Variants in NELL1 observed in about 807,000 individuals in gnomAD.
NELL1 encodes neural EGFL like 1.
NELL1 carries 76 observed loss-of-function variants against 107.4 expected under a neutral mutation model. The observed-to-expected ratio is 0.71, with a 90% CI of 0.59 to 0.86. The LOEUF (loss-of-function observed/expected upper bound fraction) is 0.86, where lower values mean the gene tolerates loss of function less well. Ranked by LOEUF, NELL1 falls within the 40% of genes least tolerant of loss-of-function variation. The probability of loss-of-function intolerance (pLI) is 0.00; values close to 1 mark genes in which losing one functional copy is unlikely to be tolerated. For synonymous variants in NELL1, 353 were observed against 341.2 expected (o/e 1.03, Z -0.38); for missense variants, 1,024 against 1,005.5 (o/e 1.02, Z -0.25).
intron 12 of NELL1, among the ~76,000 whole-genome samples, chr11:21,043,885 G>A (rs1853296550): frequency 6.6e-6 from 1 of 152,104 alleles, no homozygotes; most frequent in Non-Finnish European, 1.5e-5. Context: ...TTTGAGAAGG[G>A]AAATTGCAAG....
intron 14 of NELL1, among the ~76,000 whole-genome samples, chr11:21,312,874 C>T (rs1424665194): frequency 1.3e-5 from 2 of 152,084 alleles, no homozygotes; most frequent in Non-Finnish European, 2.9e-5. Context: ...TCCTCTTACT[C>T]ACCTCTCAGA....
At position 21,522,834 on chromosome 11, in the gene NELL1, C is replaced by CTTTTTTTTTTTTTTT. The variant is rs66707466; in HGVS notation, c.1646-11530_1646-11516dup. The stretch of plus-strand genomic sequence containing the variant: ...ATCTTGAATCCTATTTTTTTCTTTT[C>CTTTTTTTTTTTTTTT]TTTTTTTTTTTTTTTTTTTTTTTTG... On this transcript the variant is annotated intron_variant, in intron 15 of 19. Transcript: ENST00000357134. Among the ~76,000 whole-genome samples, 618 of 68,472 alleles carry CTTTTTTTTTTTTTTT rather than the reference C, an allele frequency of 9.0e-3. 8 individuals are homozygous for CTTTTTTTTTTTTTTT. The highest frequency in any genetic ancestry group is 0.013 in the African/African-American group (214 of 16,176). The allele number at this position is 68,472 out of a possible 152,430, so 44.9% of individuals were successfully genotyped here.
At chr11:20,752,999 C>T (rs1020056719) in intron 2 of NELL1, among the ~76,000 whole-genome samples, 5 of 152,154 alleles carry the variant, frequency 3.3e-5, no homozygotes, top group African/African-American at 1.2e-4. Flanking sequence ...TTATTTGATT[C>T]AATTTTTCCT....
chr11:21,267,461 A>C (rs1848657096), intron 14 of NELL1, among the ~76,000 whole-genome samples: 1 of 152,122 alleles, frequency 6.6e-6, no homozygotes, highest in African/African-American at 2.4e-5. Context: ...GTTTTAAGAT[A>C]ATTAAATATG....
intron 16 of NELL1, among the ~76,000 whole-genome samples, chr11:21,559,629 C>G (rs993890390): frequency 2.0e-5 from 3 of 152,094 alleles, no homozygotes; most frequent in African/African-American, 7.2e-5. Flanking sequence ...AGACACCTAT[C>G]AAGAATTGTT....
chr11:20,913,286 T>TA (rs150868125), intron 5 of NELL1, among the ~76,000 whole-genome samples: 5,476 of 152,100 alleles, frequency 0.036, 168 homozygotes, highest in East Asian at 0.16. Context: ...TATTTTAGCA[T>TA]ACAAAAAAAT....
At position 21,160,511 on chromosome 11, in the gene NELL1, C is replaced by T. The variant is rs72936409; in HGVS notation, c.1426+46797C>T. ...TTCCTGCATAATAGTAAAAAGGAGA[C>T]AAGATTTTCCTAGCTATGTTAGACT... is the stretch of plus-strand genomic sequence containing the variant. On this transcript the variant is annotated intron_variant, in intron 13 of 19. Transcript: ENST00000357134. Among the ~76,000 whole-genome samples, 980 of 152,142 alleles carry T rather than the reference C, an allele frequency of 6.4e-3. 8 individuals are homozygous for T. Among genetic ancestry groups the T allele is most frequent in the Non-Finnish European group, 7.7e-3 (526 of 68,014 alleles).
At chr11:21,452,939 A>G (rs1021499669) in intron 15 of NELL1, among the ~76,000 whole-genome samples, 2 of 151,864 alleles carry the variant, frequency 1.3e-5, no homozygotes, top group African/African-American at 4.8e-5. Flanking sequence ...ATATTGTAGG[A>G]TTTAAAAATT....
rs1038261450 is a variant in NELL1 at position 20,933,923 on chromosome 11, G to A, written c.998-3863G>A. On this transcript the variant is annotated intron_variant, in intron 9 of 19. Transcript: ENST00000357134. The stretch of plus-strand genomic sequence containing the variant: ...ATGGAGAAGTGTGTGTTGGTGCTAG[G>A]TTTCAATTTTGTGTTTGGGCACTGT... Among the ~76,000 whole-genome samples, 8 of 152,140 alleles carry A rather than the reference G, an allele frequency of 5.3e-5. 1 individual carries two copies. In the East Asian group the frequency reaches 9.6e-4, roughly 18 times the overall value.
At chr11:21,168,916 G>A (rs983030275) in intron 13 of NELL1, among the ~76,000 whole-genome samples, 7 of 151,984 alleles carry the variant, frequency 4.6e-5, no homozygotes, top group Admixed American at 6.5e-5. Flanking sequence ...TCAGTCCTAC[G>A]AGAGGACTTT....
At chr11:20,744,453 G>T (rs1287080694) in intron 2 of NELL1, among the ~76,000 whole-genome samples, 1 of 152,180 alleles carries the variant, frequency 6.6e-6, no homozygotes, top group African/African-American at 2.4e-5. Flanking sequence ...GCATACATTG[G>T]TAAGCATTTA....
At chr11:21,216,774 G>A (rs1161658349) in intron 13 of NELL1, among the ~76,000 whole-genome samples, 1 of 152,116 alleles carries the variant, frequency 6.6e-6, no homozygotes, top group African/African-American at 2.4e-5. Context: ...TTTTGATTTT[G>A]CAGGCTTATA....
chr11:20,747,696 T>G (rs975847969), intron 2 of NELL1, among the ~76,000 whole-genome samples: 2 of 152,098 alleles, frequency 1.3e-5, no homozygotes, highest in Admixed American at 6.6e-5. Context: ...AGGTGACAAA[T>G]GTTCACATCA....
At chr11:21,346,350 G>GA (rs746909911) in intron 14 of NELL1, among the ~76,000 whole-genome samples, 25 of 151,786 alleles carry the variant, frequency 1.6e-4, no homozygotes, top group Non-Finnish European at 2.1e-4. Context: ...ATAGCATCAA[G>GA]AAAAAATTCT....
chr11:21,480,832 A>G (rs1326510875), intron 15 of NELL1, among the ~76,000 whole-genome samples: 1 of 152,198 alleles, frequency 6.6e-6, no homozygotes. Flanking sequence ...TGTGCTCAAT[A>G]TGTCCCTAAT....
chr11:21,143,587 A>G (rs547638779), intron 13 of NELL1, among the ~76,000 whole-genome samples: 1 of 152,326 alleles, frequency 6.6e-6, no homozygotes, highest in South Asian at 2.1e-4. Context: ...TTCTTCAAAC[A>G]TAAATATATC....
intron 5 of NELL1, 145 bp downstream of exon 5, chr11:20,885,685 T>G: frequency 1.7e-6 from 1 of 604,664 alleles, no homozygotes; most frequent in Admixed American, 2.7e-5. Flanking sequence ...ACTTACTTTG[T>G]GACACATGCT....
rs1857198280 is a variant in NELL1, at chr11:21,198,389, T to G, written c.1427-30943T>G. ...ACGGAGGGCAATTAGATTTGACCCC[T>G]TGATGAAGGAGGGCAAGGTTACACT... On this transcript the variant is annotated intron_variant, in intron 13 of 19. Coordinates refer to ENST00000357134, the MANE Select transcript of NELL1 (RefSeq NM_006157.5). Among the ~76,000 whole-genome samples the G allele has an allele frequency of 2.6e-5, 4 of 152,166 alleles. No homozygotes were observed. In the South Asian group the frequency reaches 8.3e-4, roughly 32 times the overall value.
intron 10 of NELL1, among the ~76,000 whole-genome samples, chr11:20,939,959 T>G (rs1054032632): frequency 6.6e-6 from 1 of 152,198 alleles, no homozygotes; most frequent in African/African-American, 2.4e-5. Flanking sequence ...CATGGTTGCA[T>G]GGGTTGAATG....
Sources: gnomAD v4.1 joint callset for allele counts (sites outside exome capture counted in the v4.1 genomes callset) on GRCh38, gnomAD v4.1.1 for gene constraint, MANE v1.5 for transcripts, NCBI Gene and HGNC (gene_info 2026-07-23, HGNC 2026-07-21) for gene names.